GALNT18: variants seen among roughly 807,000 people sequenced by gnomAD.
The protein encoded by GALNT18 is GalNAc-transferase 18.
A neutral mutation model predicts 69.5 loss-of-function variants in GALNT18; 44 were observed. That is an observed-to-expected ratio of 0.63 (90% CI 0.50 to 0.81). GALNT18 has a LOEUF of 0.81. Ranked by LOEUF, GALNT18 falls within the 40% of genes least tolerant of loss-of-function variation. The probability of loss-of-function intolerance (pLI) is 0.00; values close to 1 mark genes in which losing one functional copy is unlikely to be tolerated. For synonymous variants in GALNT18, 364 were observed against 318.2 expected (o/e 1.14, Z -1.53); for missense variants, 715 against 810.0 (o/e 0.88, Z 1.42).
chr11:11,578,330 C>CAAAAAAAAAAAAAAAAAAAAACAAA (rs57579910), intron 1 of GALNT18, among the ~76,000 whole-genome samples: 1 of 120,604 alleles, frequency 8.3e-6, no homozygotes. Flanking sequence ...TAAAAAGAAC[C>CAAAAAAAAAAAAAAAAAAAAACAAA]AAAAAAAAAA....
At chr11:11,351,843 G>A (rs576517856) in intron 6 of GALNT18, 3 of 894,108 alleles carry the variant, frequency 3.4e-6, no homozygotes, top group Non-Finnish European at 5.1e-6. Flanking sequence ...CAGACACGTT[G>A]CTTCTGAAGT....
intron 10 of GALNT18, among the ~76,000 whole-genome samples, chr11:11,290,349 C>CTAATCTAGCTTCACAATCCCTGCCAGA (rs1849275034): frequency 2.6e-5 from 4 of 152,196 alleles, no homozygotes. Context: ...AGAATCTCTC[C>CTAATCTAGCTTCACAATCCCTGCCAGA]TAATCTAGCT....
intron 9 of GALNT18, among the ~76,000 whole-genome samples, chr11:11,307,521 G>T (rs1038515689): frequency 6.6e-6 from 1 of 152,136 alleles, no homozygotes; most frequent in African/African-American, 2.4e-5. Context: ...TATCAAACAG[G>T]AAAACTGGCA....
chr11:11,618,106 T>A lies in GALNT18; in HGVS notation c.235+3253A>T, dbSNP rs1366127548. ...AACTCCCAAGACGAAAATAAACTTT[T>A]CAGTCATGACTAGAACAGACCTCTG... is the stretch of plus-strand genomic sequence containing the variant. On this transcript the variant is annotated intron_variant, in intron 1 of 10. Transcript: ENST00000227756. This position sits in a 1 kb window ranked among gnomAD's most constrained non-coding sequence, Gnocchi z 6.1. 1.3e-5 allele frequency among the ~76,000 whole-genome samples: 2 copies of A among 152,214 alleles called. No homozygotes were observed. Among genetic ancestry groups the A allele is most frequent in the African/African-American group, 2.4e-5 (1 of 41,450 alleles).
chr11:11,461,497 C>T lies in GALNT18; in HGVS notation c.236-12561G>A, dbSNP rs566287299. Among the ~76,000 whole-genome samples the T allele has an allele frequency of 6.6e-6, 1 of 152,240 alleles. No homozygotes were observed. Among genetic ancestry groups the T allele is most frequent in the African/African-American group, 2.4e-5 (1 of 41,534 alleles). ...CCATTACTTGCTACTTTAAAGCAACCTTTAAAGCTAGAATTCTGCCTAGGA... is the reference window on the plus strand; with the variant it reads ...CCATTACTTGCTACTTTAAAGCAACTTTTAAAGCTAGAATTCTGCCTAGGA... On this transcript the variant is annotated intron_variant, in intron 1 of 10. Transcript: ENST00000227756. This position sits in a 1 kb window ranked among gnomAD's most constrained non-coding sequence, Gnocchi z 4.1.
At position 11,546,960 on chromosome 11, in the gene GALNT18, A is replaced by G. The variant is rs528138600; in HGVS notation, c.235+74399T>C. Among the ~76,000 whole-genome samples the G allele has an allele frequency of 1.1e-4, 16 of 151,552 alleles. No individual in the cohort carries two copies. In the South Asian group the frequency reaches 1.9e-3, roughly 18 times the overall value. Reference sequence around the variant, plus strand: ...TTTTTTTTTAACTCTTGTCATTTTCATCTGATGCCTCTCTGGGAGGCAGAC... The same window carrying G: ...TTTTTTTTTAACTCTTGTCATTTTCGTCTGATGCCTCTCTGGGAGGCAGAC... On this transcript the variant is annotated intron_variant, in intron 1 of 10. Transcript: ENST00000227756. This position sits in a 1 kb window ranked among gnomAD's most constrained non-coding sequence, Gnocchi z 5.8.
rs1850944974 is a variant in GALNT18, at chr11:11,372,848, G to A, written c.978-219C>T. On this transcript the variant is annotated intron_variant, in intron 5 of 10. Transcript: ENST00000227756. The surrounding 1 kb of genome is among the most constrained non-coding windows in gnomAD (Gnocchi z 4.9). ...AGTGGGTAGACAGCTGCCATCCTGG[G>A]ATCAGCTATTAGTGGGGTGGTGCTT... Among the ~76,000 whole-genome samples the A allele has an allele frequency of 6.6e-6, 1 of 152,218 alleles. No individual in the cohort carries two copies. Among genetic ancestry groups the A allele is most frequent in the Non-Finnish European group, 1.5e-5 (1 of 68,058 alleles).
chr11:11,528,759 A>G (rs2133938590), intron 1 of GALNT18, among the ~76,000 whole-genome samples: 1 of 152,346 alleles, frequency 6.6e-6, no homozygotes, highest in South Asian at 2.1e-4. Flanking sequence ...GATAGATTTG[A>G]GAATGGAATA....
chr11:11,330,038 C>T (rs1301780152), intron 8 of GALNT18, among the ~76,000 whole-genome samples: 1 of 152,192 alleles, frequency 6.6e-6, no homozygotes, highest in Non-Finnish European at 1.5e-5. Flanking sequence ...CTACTCTCAG[C>T]ACCAGAGCTG....
chr11:11,384,775 G>C (rs1854009502), intron 3 of GALNT18, among the ~76,000 whole-genome samples: 1 of 152,188 alleles, frequency 6.6e-6, no homozygotes, highest in African/African-American at 2.4e-5. Context: ...GGAACTGAGA[G>C]AAATAAACAT....
At chr11:11,507,859 C>G (rs979002447) in intron 1 of GALNT18, among the ~76,000 whole-genome samples, 2 of 152,200 alleles carry the variant, frequency 1.3e-5, no homozygotes, top group Non-Finnish European at 2.9e-5. Flanking sequence ...GCAGAAGAAC[C>G]TGGAAAGACT....
At position 11,497,996 on chromosome 11, in the gene GALNT18, T is replaced by C. The variant is rs1856901338; in HGVS notation, c.236-49060A>G. On this transcript the variant is annotated intron_variant, in intron 1 of 10. Coordinates refer to ENST00000227756, the MANE Select transcript of GALNT18 (RefSeq NM_198516.3). The surrounding 1 kb of genome is among the most constrained non-coding windows in gnomAD (Gnocchi z 4.2). ...AATTCATGACTTTTTATATCATCTA[T>C]GATTTCCAAATTTGGCTTAAAATGA... Among the ~76,000 whole-genome samples, 1 of 152,110 alleles carries C rather than the reference T, an allele frequency of 6.6e-6. No individual in the cohort carries two copies. The highest frequency in any genetic ancestry group is 2.4e-5 in the African/African-American group (1 of 41,380).
intron 1 of GALNT18, among the ~76,000 whole-genome samples, chr11:11,524,583 G>T (rs1765671372): frequency 6.6e-6 from 1 of 152,184 alleles, no homozygotes; most frequent in African/African-American, 2.4e-5. Context: ...ATAGGGATTG[G>T]TCCTTCAGCC....
In GALNT18 at chr11:11,340,771, T is replaced by A. The variant is rs1194720110; in HGVS notation, c.1278+48A>T. ...GTTCGGTCCCATATCTTGTTTTGTT[T>A]GTTTTCCACCAATCCCCGAGAAACT... On this transcript the variant is annotated intron_variant, in intron 7 of 10. Coordinates refer to ENST00000227756, the MANE Select transcript of GALNT18 (RefSeq NM_198516.3). This position sits in a 1 kb window ranked among gnomAD's most constrained non-coding sequence, Gnocchi z 4.2. The A allele has an allele frequency of 1.3e-6, 2 of 1,535,896 alleles. No individual in the cohort carries two copies. The highest frequency in any genetic ancestry group is 2.5e-5 in the South Asian group (2 of 80,892).
intron 1 of GALNT18, among the ~76,000 whole-genome samples, chr11:11,549,528 C>G (rs576329625): frequency 1.3e-5 from 2 of 152,212 alleles, no homozygotes; most frequent in Non-Finnish European, 2.9e-5. Context: ...TGGCCCCAGT[C>G]CTTCATAAGA....
chr11:11,368,343 G>T (rs533310550), intron 6 of GALNT18, among the ~76,000 whole-genome samples: 17 of 152,166 alleles, frequency 1.1e-4, no homozygotes, highest in South Asian at 1.0e-3. Context: ...TCTGAGGATT[G>T]GTGTCTTTTA....
At position 11,582,172 on chromosome 11, in the gene GALNT18, G is replaced by A. The variant is rs914473417; in HGVS notation, c.235+39187C>T. ...TGAACAAAGTGAAGAGGGCATTCCC[G>A]AAAGAGGAAAGAGCAGGCAAAGGCT... On this transcript the variant is annotated intron_variant, in intron 1 of 10. Coordinates refer to ENST00000227756, the MANE Select transcript of GALNT18 (RefSeq NM_198516.3). The surrounding 1 kb of genome is among the most constrained non-coding windows in gnomAD (Gnocchi z 5.0). Among the ~76,000 whole-genome samples, 2 of 152,192 alleles carry A rather than the reference G, an allele frequency of 1.3e-5. No homozygotes were observed. The highest frequency in any genetic ancestry group is 2.9e-5 in the Non-Finnish European group (2 of 68,034).
chr11:11,389,157 G>T lies in GALNT18; in HGVS notation c.596-9893C>A, dbSNP rs547625705. On this transcript the variant is annotated intron_variant, in intron 3 of 10. Transcript: ENST00000227756. This position sits in a 1 kb window ranked among gnomAD's most constrained non-coding sequence, Gnocchi z 4.3. The stretch of plus-strand genomic sequence containing the variant: ...AAAATCAAGGATGAGAGACTTTAAA[G>T]AACATATTCCAAGTAACACAGAAGG... Among the ~76,000 whole-genome samples, 1 of 152,312 alleles carries T rather than the reference G, an allele frequency of 6.6e-6. No individual in the cohort carries two copies. Among genetic ancestry groups the T allele is most frequent in the East Asian group, 1.9e-4 (1 of 5,180 alleles).
intron 1 of GALNT18, among the ~76,000 whole-genome samples, chr11:11,593,070 C>T (rs866900194): frequency 1.3e-4 from 20 of 152,166 alleles, no homozygotes; most frequent in African/African-American, 4.1e-4. Flanking sequence ...CACCCCCCAA[C>T]GCTCGGCTAA....
Sources: gnomAD v4.1 joint callset for allele counts (sites outside exome capture counted in the v4.1 genomes callset) on GRCh38, gnomAD v4.1.1 for gene constraint, Gnocchi (gnomAD v3.1) non-coding constraint, MANE v1.5 for transcripts, NCBI Gene and HGNC (gene_info 2026-07-23, HGNC 2026-07-21) for gene names.